CAMK1D: variants seen among roughly 807,000 people sequenced by gnomAD.
The protein encoded by CAMK1D is calcium/calmodulin-dependent protein kinase type 1D.
CAMK1D carries 9 observed loss-of-function variants against 47.7 expected under a neutral mutation model. That is an observed-to-expected ratio of 0.19 (90% CI 0.11 to 0.33). The LOEUF is 0.33. Ranked by LOEUF, CAMK1D falls within the 10% of genes least tolerant of loss-of-function variation. The pLI, the probability that CAMK1D is intolerant of heterozygous loss-of-function variation, is 1.00. For synonymous variants in CAMK1D, 184 were observed against 184.9 expected (o/e 0.99, Z 0.04); for missense variants, 291 against 488.7 (o/e 0.60, Z 3.81).
chr10:12,642,059 A>AG (rs1564462952), intron 2 of CAMK1D, among the ~76,000 whole-genome samples: 3 of 151,932 alleles, frequency 2.0e-5, no homozygotes, highest in Admixed American at 6.5e-5. Context: ...AAAAAAAAAA[A>AG]AAAGAAAGAA....
chr10:12,504,879 C>T (rs1015650788), intron 1 of CAMK1D, among the ~76,000 whole-genome samples: 1 of 152,228 alleles, frequency 6.6e-6, no homozygotes, highest in East Asian at 1.9e-4. Flanking sequence ...CCTCTGCTTT[C>T]TTGCCCCCTA....
chr10:12,706,817 C>T (rs4750249), intron 3 of CAMK1D, among the ~76,000 whole-genome samples: 104,801 of 151,860 alleles, frequency 0.69, 37,094 homozygotes, highest in East Asian at 0.86. Flanking sequence ...AAACAAGCAA[C>T]CTTTGAGCAT....
intron 3 of CAMK1D, among the ~76,000 whole-genome samples, chr10:12,715,282 G>A (rs1834084820): frequency 2.0e-5 from 3 of 152,126 alleles, no homozygotes; most frequent in Non-Finnish European, 4.4e-5. Flanking sequence ...CTAGATTCCA[G>A]TGAGCACCCA....
chr10:12,577,861 C>T (rs1006874811), intron 2 of CAMK1D, among the ~76,000 whole-genome samples: 35 of 152,234 alleles, frequency 2.3e-4, no homozygotes, highest in Non-Finnish European at 1.3e-4. Flanking sequence ...TTGCTAATGT[C>T]ATTCCCAGGA....
At chr10:12,758,336 G>T (rs1836331069) in intron 3 of CAMK1D, among the ~76,000 whole-genome samples, 1 of 146,992 alleles carries the variant, frequency 6.8e-6, no homozygotes, top group Non-Finnish European at 1.5e-5. Context: ...AAAGAGATTT[G>T]CAGATTTAAT....
At chr10:12,530,581 A>T (rs1211368551) in intron 1 of CAMK1D, among the ~76,000 whole-genome samples, 2 of 152,210 alleles carry the variant, frequency 1.3e-5, no homozygotes, top group African/African-American at 4.8e-5. Flanking sequence ...AAATCCTGTT[A>T]TAGGAATGTT....
rs1839862266 is a variant in CAMK1D, at chr10:12,416,748, A to C, written c.92+66838A>C. ...CCATACTCTGTGTCAGTTTCCAGCAAGAGTGAAGTTCTGTTTTTCCGGTGG... is the reference window on the plus strand; with the variant it reads ...CCATACTCTGTGTCAGTTTCCAGCACGAGTGAAGTTCTGTTTTTCCGGTGG... On this transcript the variant is annotated intron_variant, in intron 1 of 10. Coordinates refer to ENST00000619168, the MANE Select transcript of CAMK1D (RefSeq NM_153498.4). Among the ~76,000 whole-genome samples the C allele has an allele frequency of 3.9e-5, 6 of 152,248 alleles. No homozygotes were observed. The South Asian group carries it at 1.2e-3, about 31-fold the overall frequency.
intron 3 of CAMK1D, among the ~76,000 whole-genome samples, chr10:12,742,935 A>G (rs987108070): frequency 7.2e-5 from 11 of 152,346 alleles, no homozygotes; most frequent in Middle Eastern, 3.4e-3. Flanking sequence ...TGCGCAAGAC[A>G]GCAGGTGTTA....
chr10:12,578,794 G>C (rs2132332788), intron 2 of CAMK1D: 1 of 154,386 alleles, frequency 6.5e-6, no homozygotes, highest in African/African-American at 2.4e-5. Flanking sequence ...CAGGGAGTAA[G>C]TAGCCAAGTG....
At chr10:12,763,033 T>A (rs1836578432) in intron 4 of CAMK1D, among the ~76,000 whole-genome samples, 1 of 152,212 alleles carries the variant, frequency 6.6e-6, no homozygotes, top group African/African-American at 2.4e-5. Context: ...ATCTCTCCCT[T>A]GGAAAGGCTG....
intron 3 of CAMK1D, among the ~76,000 whole-genome samples, chr10:12,700,308 G>C (rs751632158): frequency 1.6e-4 from 25 of 152,174 alleles, no homozygotes; most frequent in Admixed American, 5.2e-4. Flanking sequence ...CATGGCAAAG[G>C]GGGAAGCAAA....
chr10:12,714,823 G>A (rs1834066675), intron 3 of CAMK1D, among the ~76,000 whole-genome samples: 1 of 144,658 alleles, frequency 6.9e-6, no homozygotes, highest in Non-Finnish European at 1.5e-5. Flanking sequence ...GATTATCCCT[G>A]GTCTTTTAGT....
intron 1 of CAMK1D, among the ~76,000 whole-genome samples, chr10:12,459,459 T>TA (rs986820617): frequency 9.9e-5 from 15 of 152,082 alleles, no homozygotes; most frequent in African/African-American, 3.6e-4. Flanking sequence ...TTCTGTAGTT[T>TA]AAAAAAATTC....
chr10:12,638,300 TAA>T (rs914348626), intron 2 of CAMK1D, among the ~76,000 whole-genome samples: 8 of 152,194 alleles, frequency 5.3e-5, no homozygotes, highest in Non-Finnish European at 1.0e-4. Flanking sequence ...GTCCATACTC[TAA>T]GCCTGCTTGC....
intron 1 of CAMK1D, among the ~76,000 whole-genome samples, chr10:12,391,516 G>T (rs558023494): frequency 1.3e-5 from 2 of 151,798 alleles, no homozygotes; most frequent in Admixed American, 1.3e-4. Flanking sequence ...CATGCTGACC[G>T]TTTTTTTTAA....
intron 1 of CAMK1D, among the ~76,000 whole-genome samples, chr10:12,511,225 A>G (rs1564381484): frequency 6.6e-6 from 1 of 152,194 alleles, no homozygotes; most frequent in African/African-American, 2.4e-5. Flanking sequence ...GAGTCAGCTC[A>G]GTTACTGCTG....
chr10:12,776,771 A>G (rs1837266139), intron 5 of CAMK1D, among the ~76,000 whole-genome samples: 1 of 152,208 alleles, frequency 6.6e-6, no homozygotes, highest in African/African-American at 2.4e-5. Context: ...AGACTTCAGC[A>G]CTATGCTTGG....
chr10:12,636,616 C>G (rs908961606), intron 2 of CAMK1D, among the ~76,000 whole-genome samples: 1 of 152,222 alleles, frequency 6.6e-6, no homozygotes, highest in East Asian at 1.9e-4. Flanking sequence ...GCCTGAGCCA[C>G]TGTGCCTGGC....
intron 2 of CAMK1D, among the ~76,000 whole-genome samples, chr10:12,650,696 G>T (rs1176080006): frequency 6.6e-6 from 1 of 152,112 alleles, no homozygotes; most frequent in Admixed American, 6.5e-5. Flanking sequence ...AATCTGCAGC[G>T]CAGCTGGAGC....
Sources: gnomAD v4.1 joint callset for allele counts (sites outside exome capture counted in the v4.1 genomes callset) on GRCh38, gnomAD v4.1.1 for gene constraint, MANE v1.5 for transcripts, NCBI Gene and HGNC (gene_info 2026-07-23, HGNC 2026-07-21) for gene names.